Variants in FGFBP1 observed in about 807,000 individuals in gnomAD.
FGFBP1 encodes fibroblast growth factor-binding protein 1.
FGFBP1 carries 12 observed loss-of-function variants against 14.6 expected under a neutral mutation model. The ratio of observed to expected loss-of-function variants is 0.82; its 90% confidence interval spans 0.53 to 1.33. The LOEUF (loss-of-function observed/expected upper bound fraction) is 1.33. FGFBP1 is among the 40% of genes most tolerant of loss of function. The probability of loss-of-function intolerance (pLI) is 0.00; values close to 1 mark genes in which losing one functional copy is unlikely to be tolerated. For missense variants in FGFBP1, 317 were observed against 271.8 expected (o/e 1.17, Z -1.17); for synonymous variants, 117 against 105.0 (o/e 1.11, Z -0.70).
rs1271289809 is a variant in FGFBP1 at position 15,936,331 on chromosome 4, G to A, written c.302C>T (p.Thr101Ile). The change falls in exon 3 of 3, where the codon ACC becomes ATC. Residue 101 changes from threonine (T) to isoleucine (I), a missense_variant. By Grantham distance (89) the Thr-to-Ile change is moderately conservative (BLOSUM62 -1). Transcript: ENST00000382333. Reference protein sequence around the residue: ...EFSCVFAGNPTSCLKLKDERV... With the variant: ...EFSCVFAGNPISCLKLKDERV... Reference sequence around the variant, plus strand: ...CTCATCCTTGAGCTTTAGGCATGAGGTTGGATTGCCAGCAAAGACACAGGA... The same window carrying A: ...CTCATCCTTGAGCTTTAGGCATGAGATTGGATTGCCAGCAAAGACACAGGA... 1 of 1,614,194 alleles carries A rather than the reference G, an allele frequency of 6.2e-7. No individual in the cohort carries two copies.
rs770699639 is a variant in FGFBP1 at position 15,936,267 on chromosome 4, T to G, written c.366A>C (p.Ser122=). The stretch of plus-strand genomic sequence containing the variant: ...TGGAATATCTACAGATGTCTTTCTG[T>G]GAGCGCAGATTCCGGGCAACTTGTT... ...YWKQVARNLR[S]QKDICRYSKT... Residue 122 remains serine, a synonymous_variant, in exon 3 of 3, where the codon TCA becomes TCC. Coordinates refer to ENST00000382333, the MANE Select transcript of FGFBP1 (RefSeq NM_005130.5). 1.9e-6 allele frequency: 3 copies of G among 1,614,202 alleles called. No individual in the cohort carries two copies. The South Asian group carries it at 3.3e-5, about 18-fold the overall frequency.
At position 15,935,934 on chromosome 4, in the gene FGFBP1, T is replaced by C. The variant is rs769009076; in HGVS notation, c.699A>G (p.Ser233=). Residue 233 remains serine, a synonymous_variant, in exon 3 of 3, where the codon TCA becomes TCG. Transcript: ENST00000382333. The stretch of plus-strand genomic sequence containing the variant: ...CCGTTCTCTTTTGACCTCATTAGCA[T>C]GACGTGTCCTGCACTATGCTGAGGA... ...TFFLSIVQDT[S]C is the part of the protein sequence containing the mutation. The C allele has an allele frequency of 6.3e-7, 1 of 1,587,640 alleles. No homozygotes were observed. The highest frequency in any genetic ancestry group is 1.8e-5 in the Admixed American group (1 of 56,590).
rs772251222 is a variant in FGFBP1 at position 15,936,556 on chromosome 4, T to C, written c.77A>G (p.Lys26Arg). 2 of 1,613,434 alleles carry C rather than the reference T, an allele frequency of 1.2e-6. No homozygotes were observed. Among genetic ancestry groups the C allele is most frequent in the East Asian group, 2.2e-5 (1 of 44,886 alleles). Residue 26 changes from lysine (K) to arginine (R), a missense_variant, in exon 3 of 3, where the codon AAA (lysine) becomes AGA (arginine). Coordinates refer to ENST00000382333, the MANE Select transcript of FGFBP1 (RefSeq NM_005130.5). ...AQVLLVEGKKKVKNGLHSKVV... is the reference protein window; with the variant it reads ...AQVLLVEGKKRVKNGLHSKVV... ...TTTGCTGTGAAGTCCATTCTTCACTTTTTTTTTCCCCTCCACCAGGAGCAC... is the reference window on the plus strand; with the variant it reads ...TTTGCTGTGAAGTCCATTCTTCACTCTTTTTTTCCCCTCCACCAGGAGCAC...
At chr4:15,937,216 T>A in intron 2 of FGFBP1, among the ~76,000 whole-genome samples, 1 of 137,248 alleles carries the variant, frequency 7.3e-6, no homozygotes, top group East Asian at 2.3e-4. Context: ...ACATGACAGA[T>A]GCCCAAAATG....
At position 15,936,390 on chromosome 4, in the gene FGFBP1, G is replaced by A; in HGVS notation, c.243C>T (p.Leu81=). 1.2e-6 allele frequency: 2 copies of A among 1,614,172 alleles called. No individual in the cohort carries two copies. The highest frequency in any genetic ancestry group is 4.5e-5 in the East Asian group (2 of 44,882). Residue 81 remains leucine (L), a synonymous_variant, in exon 3 of 3, where the codon CTC becomes CTT. Coordinates refer to ENST00000382333, the MANE Select transcript of FGFBP1 (RefSeq NM_005130.5). ...AATEQEEGIS[L]KVECTQLDHE... ...GGTCCAATTGAGTGCACTCAACCTT[G>A]AGAGAGATGCCCTCCTCCTGCTCAG...
chr4:15,938,512 A>G (rs1712550690), intron 1 of FGFBP1, 41 bp from the exon 2 acceptor site: 1 of 152,510 alleles, frequency 6.6e-6, no homozygotes, highest in Non-Finnish European at 1.5e-5. Context: ...CCTGCATGCC[A>G]TCAAACGCTT....
Position 15,935,907 on chromosome 4 carries a change from AC to A in FGFBP1, c.*20del. ...TTACGACATGACATCTCTTAAGGGA[AC>A]CCGTTCTCTTTTGACCTCATTAGCA... On this transcript the variant is annotated 3_prime_UTR_variant, in exon 3 of 3. Transcript: ENST00000382333. 6.7e-7 allele frequency: 1 copy of A among 1,497,768 alleles called. No individual in the cohort carries two copies. 92.8% of individuals were successfully genotyped at this position (1,497,768 alleles called of 1,614,324 possible).
At chr4:15,937,325 C>A (rs1252556222) in intron 2 of FGFBP1, among the ~76,000 whole-genome samples, 2 of 151,874 alleles carry the variant, frequency 1.3e-5, no homozygotes, top group Middle Eastern at 3.4e-3. Context: ...GGTGGGGGAG[C>A]TTTTTGTGGG....
At position 15,936,454 on chromosome 4, in the gene FGFBP1, A is replaced by C. The variant is rs1414282307; in HGVS notation, c.179T>G (p.Phe60Cys). The stretch of plus-strand genomic sequence containing the variant: ...GCAGTTGGCTTGGTCTTTGGTGACA[A>C]ACTTGCCTTTGTTCCCGGGCCTGCT... ...QKSRPGNKGK[F>C]VTKDQANCRW... The change falls in exon 3 of 3, where the codon TTT (phenylalanine) becomes TGT (cysteine). Residue 60 changes from phenylalanine to cysteine, a missense_variant. By Grantham distance (205) the Phe-to-Cys change is radical (BLOSUM62 -2). Transcript: ENST00000382333. 5 of 1,614,022 alleles carry C rather than the reference A, an allele frequency of 3.1e-6. No individual in the cohort carries two copies. In the Admixed American group the frequency reaches 8.3e-5, roughly 27 times the overall value.
rs143947956 is a variant in FGFBP1, at chr4:15,936,623, A to G, written c.10T>C (p.Cys4Arg). 2.8e-5 allele frequency: 45 copies of G among 1,605,390 alleles called. No homozygotes were observed. Among genetic ancestry groups the G allele is most frequent in the Non-Finnish European group, 3.5e-5 (41 of 1,176,852 alleles). The change falls in exon 3 of 3, where the codon TGT becomes CGT. Residue 4 changes from cysteine to arginine, a missense_variant. Transcript: ENST00000382333. Reference sequence around the variant, plus strand: ...AGGAAGGAGAGCAGGGTGAGGCTACAGATCTTCATGGCTGCAGCTGGGCGT... The same window carrying G: ...AGGAAGGAGAGCAGGGTGAGGCTACGGATCTTCATGGCTGCAGCTGGGCGT... Reference protein sequence around the residue: MKICSLTLLSFLLL... With the variant: MKIRSLTLLSFLLL...
Position 15,937,183 on chromosome 4 carries a change from A to G in FGFBP1, c.-20-531T>C, listed in dbSNP as rs188920892. On this transcript the variant is annotated intron_variant, in intron 2 of 2. Transcript: ENST00000382333. ...TTCTATCTCATGACTCCATATGGAC[A>G]CAGATGCCCAAAATGAGAAAAGACA... 4.5e-4 allele frequency among the ~76,000 whole-genome samples: 69 copies of G among 152,228 alleles called. 1 individual carries two copies. Among genetic ancestry groups the G allele is most frequent in the African/African-American group, 1.6e-3 (66 of 41,530 alleles).
intron 2 of FGFBP1, among the ~76,000 whole-genome samples, 190 bp downstream of exon 2, chr4:15,938,061 G>T (rs530380100): frequency 6.6e-6 from 1 of 152,166 alleles, no homozygotes; most frequent in Non-Finnish European, 1.5e-5. Context: ...AATCACAAAA[G>T]GGCAGAGAAC....
Position 15,936,646 on chromosome 4 carries a change from C to A in FGFBP1, c.-14G>T. ...ACAGATCTTCATGGCTGCAGCTGGG[C>A]GTTCACCTGTTTGACAAAAGGCAAG... On this transcript the variant is annotated 5_prime_UTR_variant, in exon 3 of 3. Transcript: ENST00000382333. 2 of 1,582,280 alleles carry A rather than the reference C, an allele frequency of 1.3e-6. No individual in the cohort carries two copies. Among genetic ancestry groups the A allele is most frequent in the East Asian group, 2.2e-5 (1 of 44,654 alleles).
chr4:15,936,926 A>C (rs1017217152), intron 2 of FGFBP1, among the ~76,000 whole-genome samples: 1 of 151,680 alleles, frequency 6.6e-6, no homozygotes, highest in African/African-American at 2.4e-5. Context: ...CTCACTCCTC[A>C]CTCTTTCATT....
In FGFBP1 at chr4:15,936,122, T is replaced by A. The variant is rs778164120; in HGVS notation, c.511A>T (p.Arg171Trp). ...PRKEKTEMSP[R>W]EHIKGKETTP... ...GTCTCTTTGCCTTTGATGTGCTCCCTGGGGGACATCTCTGTTTTCTCCTTC... is the reference window on the plus strand; with the variant it reads ...GTCTCTTTGCCTTTGATGTGCTCCCAGGGGGACATCTCTGTTTTCTCCTTC... The change falls in exon 3 of 3, where the codon AGG becomes TGG. Residue 171 changes from arginine (R) to tryptophan (W), a missense_variant. Transcript: ENST00000382333. The A allele has an allele frequency of 6.2e-7, 1 of 1,613,926 alleles. No homozygotes were observed. The highest frequency in any genetic ancestry group is 8.5e-7 in the Non-Finnish European group (1 of 1,179,920).
intron 2 of FGFBP1, 117 bp from the exon 3 acceptor site, chr4:15,936,769 C>T (rs16892645): frequency 0.099 from 62,103 of 624,684 alleles, 3,849 homozygotes; most frequent in Admixed American, 0.18. Context: ...AGACCAAGAA[C>T]GCTTCTGGCT....
Position 15,936,275 on chromosome 4 carries a change from G to A in FGFBP1, c.358C>T (p.Leu120=). ...RVYWKQVARN[L]RSQKDICRYS... ...CTACAGATGTCTTTCTGTGAGCGCA[G>A]ATTCCGGGCAACTTGTTTCCAATAG... is the stretch of plus-strand genomic sequence containing the variant. The change falls in exon 3 of 3, where the codon CTG becomes TTG. Residue 120 remains leucine (L), a synonymous_variant. Coordinates refer to ENST00000382333, the MANE Select transcript of FGFBP1 (RefSeq NM_005130.5). 1 of 1,614,204 alleles carries A rather than the reference G, an allele frequency of 6.2e-7. No homozygotes were observed. Among genetic ancestry groups the A allele is most frequent in the South Asian group, 1.1e-5 (1 of 91,082 alleles).
At chr4:15,937,226 G>A (rs1038721377) in intron 2 of FGFBP1, among the ~76,000 whole-genome samples, 2 of 137,244 alleles carry the variant, frequency 1.5e-5, no homozygotes, top group Non-Finnish European at 3.1e-5. Flanking sequence ...TGCCCAAAAT[G>A]AGAAAGGATG....
rs572387270 is a variant in FGFBP1, at chr4:15,936,658, T to G, written c.-20-6A>C. ...GGCTGCAGCTGGGCGTTCACCTGTT[T>G]GACAAAAGGCAAGTGAGTCAGTGGC... On this transcript the variant is annotated splice_polypyrimidine_tract_variant and splice_region_variant and intron_variant, in intron 2 of 2. Coordinates refer to ENST00000382333, the MANE Select transcript of FGFBP1 (RefSeq NM_005130.5). 9.9e-5 allele frequency: 154 copies of G among 1,555,682 alleles called. No homozygotes were observed. The Admixed American group carries it at 2.6e-3, about 27-fold the overall frequency.
Sources: gnomAD v4.1 joint callset for allele counts (sites outside exome capture counted in the v4.1 genomes callset) on GRCh38, gnomAD v4.1.1 for gene constraint, MANE v1.5 for transcripts, NCBI Gene and HGNC (gene_info 2026-07-23, HGNC 2026-07-21) for gene names.